REEP2: variants seen among roughly 807,000 people sequenced by gnomAD.
REEP2 encodes receptor accessory protein 2.
REEP2 carries 9 observed loss-of-function variants against 32.1 expected under a neutral mutation model. The ratio of observed to expected loss-of-function variants is 0.28; its 90% confidence interval spans 0.17 to 0.49. The LOEUF (loss-of-function observed/expected upper bound fraction) is 0.49. Among genes scored for constraint, REEP2 ranks in the 20% least tolerant of loss-of-function variants. The pLI, the probability that REEP2 is intolerant of heterozygous loss-of-function variation, is 0.99. For synonymous variants in REEP2, 128 were observed against 139.1 expected (o/e 0.92, Z 0.56); for missense variants, 236 against 338.0 (o/e 0.70, Z 2.37).
In REEP2 at chr5:138,441,181, C is replaced by G; in HGVS notation, c.105+93C>G. On this transcript the variant is annotated intron_variant, in intron 2 of 7. Transcript: ENST00000378339. This position sits in a 1 kb window ranked among gnomAD's most constrained non-coding sequence, Gnocchi z 4.4. ...ATTACAGATGGGGGTGACTTTGCAC[C>G]AACACTGTCAGCCACTAACAAGACC... The G allele has an allele frequency of 6.6e-7, 1 of 1,521,054 alleles. No homozygotes were observed. The highest frequency in any genetic ancestry group is 9.0e-7 in the Non-Finnish European group (1 of 1,109,138). The allele number at this position is 1,521,054 out of a possible 1,614,324, so 94.2% of individuals were successfully genotyped here. A position where few individuals can be genotyped will look rare whatever the true frequency, so the allele number is the denominator to read the frequency against.
At chr5:138,439,528 C>T (rs1763783063) in intron 1 of REEP2, among the ~76,000 whole-genome samples, 1 of 152,196 alleles carries the variant, frequency 6.6e-6, no homozygotes, top group South Asian at 2.1e-4. Flanking sequence ...CTGAGCAGCA[C>T]GGCTTGATTT....
In REEP2 at chr5:138,441,477, C is replaced by G. The variant is rs773215099; in HGVS notation, c.182+16C>G. ...TGCTCTCCTGGTGAGGTCCAGCGTC[C>G]CCTCCTGTATCTCAGGGCCCAGGGC... is the stretch of plus-strand genomic sequence containing the variant. On this transcript the variant is annotated intron_variant, in intron 3 of 7. Transcript: ENST00000378339. This position sits in a 1 kb window ranked among gnomAD's most constrained non-coding sequence, Gnocchi z 4.4. The G allele has an allele frequency of 6.2e-7, 1 of 1,611,352 alleles. No individual in the cohort carries two copies. Among genetic ancestry groups the G allele is most frequent in the East Asian group, 2.2e-5 (1 of 44,862 alleles).
chr5:138,444,266 A>G, intron 3 of REEP2, 149 bp from the exon 4 acceptor site: 1 of 828,468 alleles, frequency 1.2e-6, no homozygotes, highest in East Asian at 2.6e-5. Flanking sequence ...CTTTCAGATT[A>G]GAAAGGAGCA....
chr5:138,444,195 A>C, intron 3 of REEP2: 5 of 494,796 alleles, frequency 1.0e-5, no homozygotes, highest in Middle Eastern at 5.4e-4. Context: ...TGCTGGGGGA[A>C]ATTCCTTCTA....
chr5:138,445,779 C>G lies in REEP2; in HGVS notation c.*28C>G, dbSNP rs376587588. On this transcript the variant is annotated 3_prime_UTR_variant, in exon 8 of 8. Transcript: ENST00000378339. ...CCCTCCACCCCCGCAGGCTGCAGAGCAAGGATGAAGCCTCAGGAGGGGCCT... is the reference window on the plus strand; with the variant it reads ...CCCTCCACCCCCGCAGGCTGCAGAGGAAGGATGAAGCCTCAGGAGGGGCCT... The G allele has an allele frequency of 6.4e-5, 103 of 1,604,740 alleles. No individual in the cohort carries two copies. Among genetic ancestry groups the G allele is most frequent in the Non-Finnish European group, 8.4e-5 (99 of 1,175,074 alleles).
chr5:138,445,394 G>C lies in REEP2; in HGVS notation c.565+19G>C. On this transcript the variant is annotated intron_variant, in intron 6 of 7. Coordinates refer to ENST00000378339, the MANE Select transcript of REEP2 (RefSeq NM_001271803.2). ...GACTTAGGTACAGGCAGGGCCCGGG[G>C]TTGGGGTGGGGCCCCAAGGGCAAGG... 6.2e-7 allele frequency: 1 copy of C among 1,612,474 alleles called. No homozygotes were observed. Among genetic ancestry groups the C allele is most frequent in the Non-Finnish European group, 8.5e-7 (1 of 1,179,108 alleles).
Position 138,439,765 on chromosome 5 carries a change from C to T in REEP2, c.32+525C>T, listed in dbSNP as rs950615135. ...GGGGACGAGGGCATATGCCCTTAGG[C>T]CCCCTAGGGAGGAAGTCTGGGTATC... On this transcript the variant is annotated intron_variant, in intron 1 of 7. Transcript: ENST00000378339. 4.4e-5 allele frequency: 20 copies of T among 455,986 alleles called. 1 individual carries two copies. In the East Asian group the frequency reaches 1.4e-3, roughly 32 times the overall value. 28.2% of individuals were successfully genotyped at this position (455,986 alleles called of 1,614,324 possible).
At position 138,439,269 on chromosome 5, in the gene REEP2, CG is replaced by C. The variant is rs752909169; in HGVS notation, c.32+32del. 2.1e-6 allele frequency: 3 copies of C among 1,419,502 alleles called. No homozygotes were observed. In the Admixed American group the frequency reaches 8.2e-5, roughly 39 times the overall value. 87.9% of individuals were successfully genotyped at this position (1,419,502 alleles called of 1,614,324 possible). On this transcript the variant is annotated intron_variant, in intron 1 of 7. Coordinates refer to ENST00000378339, the MANE Select transcript of REEP2 (RefSeq NM_001271803.2). ...AGTGCGGCGGCGGCGGGGGGTGATG[CG>C]GGCTGTGATGGAGGGCGGGGGTGTT...
intron 5 of REEP2, 57 bp downstream of exon 5, chr5:138,444,924 G>A: frequency 2.3e-6 from 3 of 1,325,762 alleles, no homozygotes; most frequent in Non-Finnish European, 3.2e-6. Context: ...AAGGGCCCTG[G>A]CCAGGCCCCT....
At chr5:138,443,582 T>A (rs1423753753) in intron 3 of REEP2, 1 of 152,100 alleles carries the variant, frequency 6.6e-6, no homozygotes, top group Non-Finnish European at 1.5e-5. Context: ...CACTCTGTCA[T>A]TCAGGTTGGA....
intron 1 of REEP2, among the ~76,000 whole-genome samples, chr5:138,440,102 G>C (rs988091942): frequency 6.6e-6 from 1 of 152,228 alleles, no homozygotes; most frequent in Non-Finnish European, 1.5e-5. Context: ...AAGGGGCTGA[G>C]CCTGACAGGG....
In REEP2 at chr5:138,446,646, G is replaced by A. The variant is rs1046576; in HGVS notation, c.*895G>A. 63,087 of 152,614 alleles carry A rather than the reference G, an allele frequency of 0.41. 13,423 individuals carry two copies. Among genetic ancestry groups the A allele is most frequent in the Admixed American group, 0.49 (7,454 of 15,286 alleles). The allele number at this position is 152,614 out of a possible 1,614,324, so 9.5% of individuals were successfully genotyped here. A position where few individuals can be genotyped will look rare whatever the true frequency, so the allele number is the denominator to read the frequency against. On this transcript the variant is annotated 3_prime_UTR_variant, in exon 8 of 8. Coordinates refer to ENST00000378339, the MANE Select transcript of REEP2 (RefSeq NM_001271803.2). The stretch of plus-strand genomic sequence containing the variant: ...CACCGTGCCCCTGGGCTGGACTCCC[G>A]TGCTCCTCAGGGCCCACCCCTGCTC...
Position 138,439,095 on chromosome 5 carries a change from A to G in REEP2, c.-114A>G, listed in dbSNP as rs866840059. 6.9e-6 allele frequency: 3 copies of G among 432,120 alleles called. No individual in the cohort carries two copies. Among genetic ancestry groups the G allele is most frequent in the Non-Finnish European group, 1.0e-5 (3 of 295,198 alleles). The allele number at this position is 432,120 out of a possible 1,614,324, so 26.8% of individuals were successfully genotyped here. ...CCGCTGCCCCCGCGGCGGCTGCTGC[A>G]GCGGCTGCTGCTGCTACTGCGGCTC... On this transcript the variant is annotated 5_prime_UTR_variant, in exon 1 of 8. Coordinates refer to ENST00000378339, the MANE Select transcript of REEP2 (RefSeq NM_001271803.2).
At chr5:138,442,775 G>A (rs1171119361) in intron 3 of REEP2, among the ~76,000 whole-genome samples, 1 of 151,146 alleles carries the variant, frequency 6.6e-6, no homozygotes, top group African/African-American at 2.4e-5. Context: ...GCAGGAGAAC[G>A]GTGTGAACCC....
Position 138,441,777 on chromosome 5 carries a change from A to G in REEP2, c.182+316A>G, listed in dbSNP as rs1763830961. 6.6e-6 allele frequency among the ~76,000 whole-genome samples: 1 copy of G among 152,092 alleles called. No homozygotes were observed. The highest frequency in any genetic ancestry group is 1.5e-5 in the Non-Finnish European group (1 of 68,012). On this transcript the variant is annotated intron_variant, in intron 3 of 7. Coordinates refer to ENST00000378339, the MANE Select transcript of REEP2 (RefSeq NM_001271803.2). This position sits in a 1 kb window ranked among gnomAD's most constrained non-coding sequence, Gnocchi z 4.4. ...CCGTCTCCACTAAAAATACAAAAAA[A>G]AAATAGCTGGGCATGGTGGCGCCCC...
At position 138,441,579 on chromosome 5, in the gene REEP2, C is replaced by T. The variant is rs539933543; in HGVS notation, c.182+118C>T. 7.1e-6 allele frequency: 6 copies of T among 849,200 alleles called. No individual in the cohort carries two copies. Among genetic ancestry groups the T allele is most frequent in the African/African-American group, 1.7e-5 (1 of 59,518 alleles). The allele number at this position is 849,200 out of a possible 1,614,324, so 52.6% of individuals were successfully genotyped here. A position where few individuals can be genotyped will look rare whatever the true frequency, so the allele number is the denominator to read the frequency against. On this transcript the variant is annotated intron_variant, in intron 3 of 7. Coordinates refer to ENST00000378339, the MANE Select transcript of REEP2 (RefSeq NM_001271803.2). The surrounding 1 kb of genome is among the most constrained non-coding windows in gnomAD (Gnocchi z 4.4). ...AAGCTCCTCCCATTCCTGACAATTT[C>T]ATGGGGTCCTTGATATCTCCCCTCT...
chr5:138,444,722 C>T (rs536754179), intron 4 of REEP2, 32 bp from the exon 5 acceptor site: 1 of 1,602,454 alleles, frequency 6.2e-7, no homozygotes, highest in Non-Finnish European at 8.5e-7. Flanking sequence ...GGCAGGACCT[C>T]TCCTCTTCTC....
Position 138,441,260 on chromosome 5 carries a change from C to T in REEP2, c.106-125C>T. ...CACACAGCGCCTCCAACATGGCTGG[C>T]AGGCAGAAGTGGGGTCCTTGGTGTT... On this transcript the variant is annotated intron_variant, in intron 2 of 7. Transcript: ENST00000378339. This position sits in a 1 kb window ranked among gnomAD's most constrained non-coding sequence, Gnocchi z 4.4. The T allele has an allele frequency of 7.9e-7, 1 of 1,262,462 alleles. No homozygotes were observed. Among genetic ancestry groups the T allele is most frequent in the Non-Finnish European group, 1.2e-6 (1 of 869,384 alleles). 78.2% of individuals were successfully genotyped at this position (1,262,462 alleles called of 1,614,324 possible). A position where few individuals can be genotyped will look rare whatever the true frequency, so the allele number is the denominator to read the frequency against.
chr5:138,445,767 C>A lies in REEP2; in HGVS notation c.*16C>A. The A allele has an allele frequency of 6.2e-7, 1 of 1,611,116 alleles. No individual in the cohort carries two copies. Among genetic ancestry groups the A allele is most frequent in the South Asian group, 1.1e-5 (1 of 90,636 alleles). ...CTCAGCTTGAGCCCCTCCACCCCCGCAGGCTGCAGAGCAAGGATGAAGCCT... is the reference window on the plus strand; with the variant it reads ...CTCAGCTTGAGCCCCTCCACCCCCGAAGGCTGCAGAGCAAGGATGAAGCCT... On this transcript the variant is annotated 3_prime_UTR_variant, in exon 8 of 8. Coordinates refer to ENST00000378339, the MANE Select transcript of REEP2 (RefSeq NM_001271803.2).
Sources: gnomAD v4.1 joint callset for allele counts (sites outside exome capture counted in the v4.1 genomes callset) on GRCh38, gnomAD v4.1.1 for gene constraint, Gnocchi (gnomAD v3.1) non-coding constraint, MANE v1.5 for transcripts, NCBI Gene and HGNC (gene_info 2026-07-23, HGNC 2026-07-21) for gene names.